The following SYT1 variants were observed in gnomAD, a reference collection of about 807,000 sequenced individuals.
SYT1 encodes the protein synaptotagmin 1, also known as synaptotagmin-1.
A neutral mutation model predicts 44.8 loss-of-function variants in SYT1; 8 were observed. The ratio of observed to expected loss-of-function variants is 0.18; its 90% CI spans 0.10 to 0.32. The LOEUF is 0.32. Among genes scored for constraint, SYT1 ranks in the 10% least tolerant of loss-of-function variants. The pLI is 1.00. For synonymous variants in SYT1, 154 were observed against 188.8 expected (o/e 0.82, Z 1.51); for missense variants, 286 against 509.3 (o/e 0.56, Z 4.22).
At chr12:79,444,717 G>T (rs1870609759) in intron 10 of SYT1, among the ~76,000 whole-genome samples, 1 of 152,156 alleles carries the variant, frequency 6.6e-6, no homozygotes, top group African/African-American at 2.4e-5. Context: ...CTGTGTCTGA[G>T]TTGGAATGGA....
chr12:79,221,091 T>C (rs1032569320), intron 4 of SYT1, among the ~76,000 whole-genome samples: 1 of 152,182 alleles, frequency 6.6e-6, no homozygotes, highest in African/African-American at 2.4e-5. Flanking sequence ...GCTTTACATA[T>C]TTAGGTGCTC....
chr12:79,006,582 C>A (rs143991550), intron 2 of SYT1, among the ~76,000 whole-genome samples: 1 of 151,974 alleles, frequency 6.6e-6, no homozygotes, highest in Non-Finnish European at 1.5e-5. Context: ...TCTGAGAGCC[C>A]CTGAAATGAC....
intron 9 of SYT1, among the ~76,000 whole-genome samples, chr12:79,442,546 T>C (rs1338779499): frequency 1.3e-5 from 2 of 152,104 alleles, no homozygotes; most frequent in African/African-American, 2.4e-5. Context: ...GTCTCTGGGG[T>C]AGTGGGAAAA....
At chr12:79,224,841 G>A (rs190778845) in intron 4 of SYT1, among the ~76,000 whole-genome samples, 4 of 150,716 alleles carry the variant, frequency 2.7e-5, no homozygotes, top group South Asian at 2.1e-4. Flanking sequence ...ATGCAATGGC[G>A]TGATCTCAGC....
chr12:79,225,942 T>C (rs1364184254), intron 4 of SYT1, among the ~76,000 whole-genome samples: 1 of 152,234 alleles, frequency 6.6e-6, no homozygotes, highest in African/African-American at 2.4e-5. Context: ...TGAAATATCA[T>C]GTATTTTATT....
intron 1 of SYT1, among the ~76,000 whole-genome samples, chr12:78,885,896 T>C (rs1262829412): frequency 1.7e-4 from 26 of 152,024 alleles, no homozygotes; most frequent in Non-Finnish European, 1.5e-5. Context: ...ATTTGGACTT[T>C]GTTGGCCTAT....
At chr12:79,388,428 C>T (rs933446171) in intron 9 of SYT1, among the ~76,000 whole-genome samples, 1 of 152,100 alleles carries the variant, frequency 6.6e-6, no homozygotes, top group African/African-American at 2.4e-5. Context: ...GTCACAGTGG[C>T]TCACATCTGT....
intron 2 of SYT1, among the ~76,000 whole-genome samples, chr12:78,978,153 G>A (rs1868980677): frequency 6.6e-6 from 1 of 152,178 alleles, no homozygotes; most frequent in Non-Finnish European, 1.5e-5. Flanking sequence ...TTTTTGAAAT[G>A]CTGTTTTCGT....
At chr12:79,448,154 C>A (rs1179671450) in intron 10 of SYT1, among the ~76,000 whole-genome samples, 1 of 152,104 alleles carries the variant, frequency 6.6e-6, no homozygotes, top group East Asian at 1.9e-4. Context: ...AAAAGGAAGT[C>A]ATCAAATAAA....
intron 3 of SYT1, among the ~76,000 whole-genome samples, chr12:79,118,438 A>T (rs1395183356): frequency 6.6e-6 from 1 of 152,244 alleles, no homozygotes; most frequent in Non-Finnish European, 1.5e-5. Flanking sequence ...AAGTCATTTC[A>T]TTCAAGTCTA....
intron 9 of SYT1, among the ~76,000 whole-genome samples, chr12:79,381,023 G>A (rs1234061772): frequency 6.6e-6 from 1 of 152,084 alleles, no homozygotes; most frequent in Admixed American, 6.6e-5. Flanking sequence ...ACAAAACTAG[G>A]TAATACTGTC....
intron 3 of SYT1, among the ~76,000 whole-genome samples, chr12:79,152,802 G>A (rs1257952165): frequency 6.0e-5 from 9 of 150,118 alleles, no homozygotes; most frequent in Admixed American, 6.0e-4. Flanking sequence ...TTTGCTAGGA[G>A]CAAAGCTTTC....
chr12:79,128,660 T>C (rs913331885), intron 3 of SYT1, among the ~76,000 whole-genome samples: 2 of 152,240 alleles, frequency 1.3e-5, no homozygotes, highest in African/African-American at 4.8e-5. Flanking sequence ...CCAATTTCTT[T>C]ATAGAACATA....
chr12:79,064,153 A>C (rs575384383), intron 3 of SYT1, among the ~76,000 whole-genome samples: 1 of 152,182 alleles, frequency 6.6e-6, no homozygotes, highest in East Asian at 1.9e-4. Flanking sequence ...ACACTCAGAG[A>C]ATGTTTAAAG....
intron 3 of SYT1, among the ~76,000 whole-genome samples, chr12:79,188,418 A>T (rs1356944689): frequency 6.6e-6 from 1 of 152,124 alleles, no homozygotes; most frequent in East Asian, 1.9e-4. Flanking sequence ...TGTCCATGTC[A>T]AATTGATTTT....
At chr12:79,293,327 AAATAAAATAAAAT>A (rs1879690131) in intron 6 of SYT1, among the ~76,000 whole-genome samples, 1 of 3,456 alleles carries the variant, frequency 2.9e-4, no homozygotes, top group Non-Finnish European at 4.8e-4. Context: ...CCATCTCAAA[AAATAAAATAAAAT>A]AAAATAAAAT....
At chr12:78,920,431 A>G (rs61929180) in intron 1 of SYT1, among the ~76,000 whole-genome samples, 12,950 of 152,052 alleles carry the variant, frequency 0.085, 846 homozygotes, top group East Asian at 0.2. Flanking sequence ...CTATGAATGC[A>G]CAGTATGGGT....
At chr12:78,876,445 T>C (rs1456068683) in intron 1 of SYT1, among the ~76,000 whole-genome samples, 5 of 140,880 alleles carry the variant, frequency 3.5e-5, no homozygotes, top group Non-Finnish European at 4.6e-5. Flanking sequence ...GATAATAACA[T>C]GTTTTGAAAA....
chr12:79,308,639 A>G (rs1880594372), intron 8 of SYT1, among the ~76,000 whole-genome samples: 1 of 150,762 alleles, frequency 6.6e-6, no homozygotes, highest in Non-Finnish European at 1.5e-5. Flanking sequence ...AAAGAAAGAA[A>G]GAAAGAAAGA....
Sources: gnomAD v4.1 joint callset for allele counts (sites outside exome capture counted in the v4.1 genomes callset) on GRCh38, gnomAD v4.1.1 for gene constraint, MANE v1.5 for transcripts, NCBI Gene and HGNC (gene_info 2026-07-23, HGNC 2026-07-21) for gene names.